MLLT10: variants seen among roughly 807,000 people sequenced by gnomAD.
MLLT10 encodes the protein protein AF-10.
In MLLT10, 30 loss-of-function variants were observed where a neutral mutation model predicts 129.1. That is an observed-to-expected ratio of 0.23 (90% CI 0.17 to 0.32). MLLT10 has a LOEUF of 0.32. Ranked by LOEUF, MLLT10 falls within the 10% of genes least tolerant of loss-of-function variation. The pLI, the probability that MLLT10 is intolerant of heterozygous loss-of-function variation, is 1.00. For missense variants in MLLT10, 1,119 were observed against 1,268.3 expected (o/e 0.88, Z 1.79); for synonymous variants, 490 against 446.4 (o/e 1.10, Z -1.23).
chr10:21,586,190 A>C lies in MLLT10; in HGVS notation c.241-104A>C. ...AATATTCTTGGGGGGCAACTAGGAC[A>C]AATGCTGCTCTCACATTTTCAGTAG... On this transcript the variant is annotated intron_variant, in intron 3 of 22. Coordinates refer to ENST00000307729, the MANE Select transcript of MLLT10 (RefSeq NM_001195626.3). 3 of 884,804 alleles carry C rather than the reference A, an allele frequency of 3.4e-6. No individual in the cohort carries two copies. The East Asian group carries it at 8.0e-5, about 23-fold the overall frequency. 54.8% of individuals were successfully genotyped at this position (884,804 alleles called of 1,614,324 possible).
At chr10:21,609,691 G>A (rs986588025) in intron 5 of MLLT10, among the ~76,000 whole-genome samples, 6 of 152,024 alleles carry the variant, frequency 3.9e-5, no homozygotes, top group South Asian at 4.2e-4. Flanking sequence ...TGTAACTATC[G>A]TTCTTGTCCT....
intron 8 of MLLT10, among the ~76,000 whole-genome samples, chr10:21,638,696 A>AT (rs1433184270): frequency 6.6e-6 from 1 of 152,244 alleles, no homozygotes; most frequent in East Asian, 1.9e-4. Flanking sequence ...CTCAAATTCC[A>AT]TAGCATACTT....
chr10:21,689,309 T>G (rs1465030416), intron 13 of MLLT10, among the ~76,000 whole-genome samples: 1 of 151,888 alleles, frequency 6.6e-6, no homozygotes, highest in Non-Finnish European at 1.5e-5. Flanking sequence ...ATGTAATAAT[T>G]TCAAGGGATG....
At chr10:21,682,892 T>G (rs2052887788) in intron 13 of MLLT10, among the ~76,000 whole-genome samples, 1 of 152,168 alleles carries the variant, frequency 6.6e-6, no homozygotes, top group Admixed American at 6.5e-5. Flanking sequence ...CCTTAATCCT[T>G]TGATGTTCAA....
intron 8 of MLLT10, among the ~76,000 whole-genome samples, chr10:21,622,876 C>T (rs554859227): frequency 4.5e-4 from 69 of 152,334 alleles, no homozygotes; most frequent in African/African-American, 1.6e-3. Context: ...CCCAGATTGT[C>T]ACCTGTACTT....
chr10:21,679,429 T>G (rs1019581667), intron 11 of MLLT10, among the ~76,000 whole-genome samples: 20 of 152,338 alleles, frequency 1.3e-4, no homozygotes, highest in Admixed American at 1.3e-3. Flanking sequence ...TGAGAACATC[T>G]TTTTCTTCAC....
chr10:21,738,100 T>A (rs2058525313), intron 21 of MLLT10, among the ~76,000 whole-genome samples: 1 of 151,966 alleles, frequency 6.6e-6, no homozygotes, highest in African/African-American at 2.4e-5. Flanking sequence ...AAACCCCGTC[T>A]CTACTAAAAA....
chr10:21,727,905 A>T lies in MLLT10; in HGVS notation c.2040A>T (p.Ser680=), dbSNP rs1564732103. Residue 680 remains serine (S), a synonymous_variant, in exon 16 of 23, where the codon TCA becomes TCT. Transcript: ENST00000307729. ...GCAACCTAGTTGGCAGAGGAAGCTC[A>T]CCCCGAGGAAGTCTCTCGCCACGGT... ...NSRNLVGRGS[S]PRGSLSPRSP... 7 of 1,614,012 alleles carry T rather than the reference A, an allele frequency of 4.3e-6. No individual in the cohort carries two copies. Among genetic ancestry groups the T allele is most frequent in the Middle Eastern group, 1.6e-4 (1 of 6,062 alleles).
rs540978411 is a variant in MLLT10, at chr10:21,626,324, C to G, written c.699+9117C>G. 5.2e-5 allele frequency: 48 copies of G among 919,188 alleles called. No individual in the cohort carries two copies. In the Admixed American group the frequency reaches 6.6e-4, roughly 13 times the overall value. 56.9% of individuals were successfully genotyped at this position (919,188 alleles called of 1,614,324 possible). On this transcript the variant is annotated intron_variant, in intron 8 of 22. Transcript: ENST00000307729. Reference sequence around the variant, plus strand: ...GGGCTGGTGGCTGGGCCCGTGAGAACCAGTGCAAGGCATTTTGAAAATGAC... The same window carrying G: ...GGGCTGGTGGCTGGGCCCGTGAGAAGCAGTGCAAGGCATTTTGAAAATGAC...
intron 3 of MLLT10, among the ~76,000 whole-genome samples, chr10:21,561,153 C>T (rs1370987828): frequency 6.6e-6 from 1 of 152,076 alleles, no homozygotes; most frequent in Admixed American, 6.6e-5. Context: ...CTTTTGGTAT[C>T]ATATCCAAGA....
chr10:21,640,995 G>T (rs1246742686), intron 8 of MLLT10, among the ~76,000 whole-genome samples: 1 of 152,142 alleles, frequency 6.6e-6, no homozygotes, highest in Non-Finnish European at 1.5e-5. Flanking sequence ...CCATGTAAAA[G>T]GAATCAGTGT....
At chr10:21,704,204 T>C (rs2131483155) in intron 13 of MLLT10, among the ~76,000 whole-genome samples, 1 of 150,630 alleles carries the variant, frequency 6.6e-6, no homozygotes, top group Middle Eastern at 3.5e-3. Context: ...AGATGAGGTT[T>C]TGCCGTGTTG....
chr10:21,701,311 A>AG (rs1283696189), intron 13 of MLLT10, among the ~76,000 whole-genome samples: 4 of 124,940 alleles, frequency 3.2e-5, no homozygotes, highest in Non-Finnish European at 3.3e-5. Context: ...TGAGAGGGAG[A>AG]GGGGGTCTCT....
intron 6 of MLLT10, among the ~76,000 whole-genome samples, chr10:21,612,965 G>C (rs1260673379): frequency 2.6e-5 from 4 of 152,032 alleles, no homozygotes; most frequent in Admixed American, 2.6e-4. Flanking sequence ...AGGCCGAGGT[G>C]GGTGGATCAC....
chr10:21,614,855 TGAA>T lies in MLLT10; in HGVS notation c.542_544del (p.Glu181del), dbSNP rs1237834959. The T allele has an allele frequency of 6.2e-7, 1 of 1,612,836 alleles. No homozygotes were observed. The highest frequency in any genetic ancestry group is 8.5e-7 in the Non-Finnish European group (1 of 1,179,692). On this transcript the variant is annotated inframe_deletion, in exon 7 of 23. Transcript: ENST00000307729. ...GCGCTCAGTTTGCCGGACTGCTTTG[TGAA>T]GAAGAAGGTAATGGTGCCGATAATG...
At chr10:21,592,155 A>C (rs1201922969) in intron 4 of MLLT10, among the ~76,000 whole-genome samples, 1 of 152,142 alleles carries the variant, frequency 6.6e-6, no homozygotes, top group Non-Finnish European at 1.5e-5. Context: ...TTAATATTTA[A>C]TGTAAGTGGT....
chr10:21,630,392 T>C (rs182838531), intron 8 of MLLT10, among the ~76,000 whole-genome samples: 3 of 152,330 alleles, frequency 2.0e-5, no homozygotes, highest in East Asian at 3.9e-4. Flanking sequence ...TGTGGTTTAA[T>C]ATTTCATTGG....
chr10:21,647,077 C>T lies in MLLT10; in HGVS notation c.700-4596C>T, dbSNP rs570106572. ...TTCACCGTCTTAGCCAGGATGGTCT[C>T]GATCTCCCGACCTCGTGATCCGCCC... is the stretch of plus-strand genomic sequence containing the variant. On this transcript the variant is annotated intron_variant, in intron 8 of 22. Transcript: ENST00000307729. 9.9e-5 allele frequency among the ~76,000 whole-genome samples: 15 copies of T among 152,216 alleles called. No homozygotes were observed. The South Asian group carries it at 2.7e-3, about 27-fold the overall frequency.
At chr10:21,536,670 C>A (rs2034073968) in intron 2 of MLLT10, among the ~76,000 whole-genome samples, 2 of 152,170 alleles carry the variant, frequency 1.3e-5, no homozygotes, top group South Asian at 4.1e-4. Context: ...ACCTTCCAAG[C>A]CATCTTCCCA....
Sources: allele counts gnomAD v4.1 joint callset (sites outside exome capture counted in the v4.1 genomes callset), GRCh38; gene constraint gnomAD v4.1.1; transcripts MANE v1.5; gene names NCBI Gene and HGNC (gene_info 2026-07-23, HGNC 2026-07-21).